SERPINB8: variants seen among roughly 807,000 people sequenced by gnomAD.
The protein encoded by SERPINB8 is serpin B8.
A neutral mutation model predicts 35.3 loss-of-function variants in SERPINB8; 25 were observed. The ratio of observed to expected loss-of-function variants is 0.71; its 90% CI spans 0.52 to 0.99. SERPINB8 has a LOEUF of 0.99. Ranked by LOEUF, SERPINB8 falls within the 50% of genes least tolerant of loss-of-function variation. The pLI is 0.00. For missense variants in SERPINB8, 484 were observed against 446.5 expected (o/e 1.08, Z -0.76); for synonymous variants, 186 against 160.8 (o/e 1.16, Z -1.19).
intron 7 of SERPINB8, among the ~76,000 whole-genome samples, chr18:64,016,204 A>G (rs2050949332): frequency 6.6e-6 from 1 of 152,182 alleles, no homozygotes; most frequent in South Asian, 2.1e-4. Flanking sequence ...TTCATCTGGG[A>G]AAGGCTTTGC....
chr18:63,987,004 G>A lies in SERPINB8; in HGVS notation c.851G>A (p.Arg284Gln), dbSNP rs74359148. The A allele has an allele frequency of 1.2e-5, 20 of 1,614,152 alleles. No homozygotes were observed. The highest frequency in any genetic ancestry group is 1.1e-4 in the East Asian group (5 of 44,888). ...AGTTATGACTTGGAGCCTTTCCTTC[G>A]AAGATTAGGAATGATCGATGCTTTT... ...EESYDLEPFLRRLGMIDAFDE... is the reference protein window; with the variant it reads ...EESYDLEPFLQRLGMIDAFDE... The change falls in exon 7 of 7, where the codon CGA becomes CAA. Residue 284 changes from arginine (R) to glutamine (Q), a missense_variant. By Grantham distance (43) the Arg-to-Gln change is conservative. Coordinates refer to ENST00000397985, the MANE Select transcript of SERPINB8 (RefSeq NM_002640.4).
At chr18:63,986,656 T>C (rs1216050137) in intron 6 of SERPINB8, 1 of 1,342,472 alleles carries the variant, frequency 7.4e-7, no homozygotes, top group African/African-American at 1.5e-5. Flanking sequence ...CTGTCTCAGG[T>C]GTTTACTAGC....
chr18:64,015,924 AAG>A (rs1568084417), intron 7 of SERPINB8, among the ~76,000 whole-genome samples: 1 of 152,180 alleles, frequency 6.6e-6, no homozygotes, highest in Non-Finnish European at 1.5e-5. Flanking sequence ...TCCTAATAAA[AAG>A]AGTGACATTC....
intron 1 of SERPINB8, among the ~76,000 whole-genome samples, chr18:63,972,237 G>C (rs1260552158): frequency 6.6e-6 from 1 of 151,942 alleles, no homozygotes; most frequent in East Asian, 1.9e-4. Context: ...TGATAATAAC[G>C]ACATAGTTTT....
In SERPINB8 at chr18:63,979,903, A is replaced by G; in HGVS notation, c.271A>G (p.Arg91Gly). ...TCAGTACTTGCTTAGAACTGCCAAC[A>G]GACTCTTTGGAGAAAAGACGTGTGA... ...GTQYLLRTAN[R>G]LFGEKTCDFL... Residue 91 changes from arginine (R) to glycine (G), a missense_variant, in exon 3 of 7, where the codon AGA (arginine) becomes GGA (glycine). Transcript: ENST00000397985. 6.2e-7 allele frequency: 1 copy of G among 1,614,168 alleles called. No individual in the cohort carries two copies. The highest frequency in any genetic ancestry group is 8.5e-7 in the Non-Finnish European group (1 of 1,180,020).
At chr18:64,000,648 G>T (rs1057130861) in intron 1 of SERPINB8, among the ~76,000 whole-genome samples, 4 of 152,166 alleles carry the variant, frequency 2.6e-5, no homozygotes, top group African/African-American at 9.7e-5. Flanking sequence ...TGGGGCAGGG[G>T]CTCTGTTGGG....
downstream of SERPINB8, among the ~76,000 whole-genome samples, chr18:63,989,935 T>A (rs1599159463): frequency 1.2e-5 from 1 of 85,806 alleles, no homozygotes; most frequent in East Asian, 3.7e-4. Context: ...AGAGCGAGAC[T>A]CTGTCTCAAA....
At chr18:63,972,210 C>T (rs1442713618) in intron 1 of SERPINB8, among the ~76,000 whole-genome samples, 7 of 152,132 alleles carry the variant, frequency 4.6e-5, no homozygotes, top group Admixed American at 2.6e-4. Flanking sequence ...TCTGTATCAC[C>T]ACCTTCCTGA....
intron 3 of SERPINB8, 55 bp downstream of exon 3, chr18:63,979,993 G>A: frequency 6.4e-7 from 1 of 1,555,634 alleles, no homozygotes; most frequent in South Asian, 1.1e-5. Flanking sequence ...TTAGACTACA[G>A]AAGAGCAGAT....
At chr18:64,001,893 G>T (rs1032897018) in intron 1 of SERPINB8, among the ~76,000 whole-genome samples, 1 of 152,212 alleles carries the variant, frequency 6.6e-6, no homozygotes, top group Admixed American at 6.5e-5. Context: ...TCTACTGGGG[G>T]ACAGGTCTGG....
In SERPINB8 at chr18:63,985,227, C is replaced by T; in HGVS notation, c.702C>T (p.Asp234=). 6.2e-7 allele frequency: 1 copy of T among 1,614,196 alleles called. No homozygotes were observed. Among genetic ancestry groups the T allele is most frequent in the Middle Eastern group, 1.6e-4 (1 of 6,062 alleles). Reference sequence around the variant, plus strand: ...GCATGGTCATTCTGCTTCCCGATGACAACACGGACCTCGCCGTGGTAAGCT... The same window carrying T: ...GCATGGTCATTCTGCTTCCCGATGATAACACGGACCTCGCCGTGGTAAGCT... ...ELSMVILLPD[D]NTDLAVVEKA... Residue 234 remains aspartate, a synonymous_variant, in exon 6 of 7, where the codon GAC becomes GAT. Coordinates refer to ENST00000397985, the MANE Select transcript of SERPINB8 (RefSeq NM_002640.4).
chr18:63,987,293 T>C lies in SERPINB8; in HGVS notation c.*15T>C. 1.3e-6 allele frequency: 2 copies of C among 1,597,680 alleles called. No homozygotes were observed. The highest frequency in any genetic ancestry group is 8.5e-7 in the Non-Finnish European group (1 of 1,170,764). On this transcript the variant is annotated 3_prime_UTR_variant, in exon 7 of 7. Coordinates refer to ENST00000397985, the MANE Select transcript of SERPINB8 (RefSeq NM_002640.4). ...CTTCTCCGTAAAGAGGAGCAATTGCTGTACATACCCTCCTTTCCTTCTACC... is the reference window on the plus strand; with the variant it reads ...CTTCTCCGTAAAGAGGAGCAATTGCCGTACATACCCTCCTTTCCTTCTACC...
At chr18:63,996,928 G>A (rs951594400) in intron 1 of SERPINB8, among the ~76,000 whole-genome samples, 21 of 152,182 alleles carry the variant, frequency 1.4e-4, no homozygotes, top group African/African-American at 4.3e-4. Flanking sequence ...CAACTAAGAG[G>A]TTACTAGAAA....
intron 1 of SERPINB8, among the ~76,000 whole-genome samples, chr18:63,999,508 C>A (rs1444032469): frequency 6.6e-6 from 1 of 152,048 alleles, no homozygotes; most frequent in East Asian, 1.9e-4. Flanking sequence ...ATGGTGGTGA[C>A]CTTCTCCTCT....
chr18:63,994,011 C>T (rs1321146440), downstream of SERPINB8, among the ~76,000 whole-genome samples: 1 of 152,160 alleles, frequency 6.6e-6, no homozygotes, highest in Non-Finnish European at 1.5e-5. Context: ...TGCACTCAAG[C>T]TCAGCACTCA....
intron 1 of SERPINB8, among the ~76,000 whole-genome samples, chr18:64,003,863 T>C (rs1197359469): frequency 6.6e-6 from 1 of 152,128 alleles, no homozygotes; most frequent in Non-Finnish European, 1.5e-5. Flanking sequence ...TGGTGTACCA[T>C]TGCAAAATGT....
chr18:63,987,139 C>T lies in SERPINB8; in HGVS notation c.986C>T (p.Ala329Val). 1 of 1,614,026 alleles carries T rather than the reference C, an allele frequency of 6.2e-7. No homozygotes were observed. Among genetic ancestry groups the T allele is most frequent in the Non-Finnish European group, 8.5e-7 (1 of 1,180,006 alleles). Reference sequence around the variant, plus strand: ...GTCAATGAGGAAGGCACAGAGGCTGCCGCAGCCACTGCTGTGGTCAGGAAT... The same window carrying T: ...GTCAATGAGGAAGGCACAGAGGCTGTCGCAGCCACTGCTGTGGTCAGGAAT... ...VEVNEEGTEA[A>V]AATAVVRNSR... The change falls in exon 7 of 7, where the codon GCC becomes GTC. Residue 329 changes from alanine (A) to valine (V), a missense_variant. Physicochemically the swap from Ala to Val is moderately conservative, Grantham distance 64 (BLOSUM62 0). Coordinates refer to ENST00000397985, the MANE Select transcript of SERPINB8 (RefSeq NM_002640.4).
At position 63,989,337 on chromosome 18, in the gene SERPINB8, T is replaced by C. The variant is rs769124553; in HGVS notation, c.*2059T>C. ...TTTACGTTGTTACCAAGATTTTTGC[T>C]ATTGAAAATAAAGTTTTTATGAATA... is the stretch of plus-strand genomic sequence containing the variant. On this transcript the variant is annotated 3_prime_UTR_variant, in exon 7 of 7. Transcript: ENST00000397985. 6.6e-6 allele frequency: 1 copy of C among 152,238 alleles called. No homozygotes were observed. The highest frequency in any genetic ancestry group is 1.5e-5 in the Non-Finnish European group (1 of 68,044). 9.4% of individuals were successfully genotyped at this position (152,238 alleles called of 1,614,324 possible).
At chr18:64,017,507 C>T (rs189592380) in intron 7 of SERPINB8, among the ~76,000 whole-genome samples, 45 of 152,218 alleles carry the variant, frequency 3.0e-4, no homozygotes, top group African/African-American at 9.4e-4. Flanking sequence ...CACAATTTTT[C>T]AGTATGTTCT....
Sources: gnomAD v4.1 joint callset for allele counts (sites outside exome capture counted in the v4.1 genomes callset) on GRCh38, gnomAD v4.1.1 for gene constraint, MANE v1.5 for transcripts, NCBI Gene and HGNC (gene_info 2026-07-23, HGNC 2026-07-21) for gene names.